Variants in NDST3 observed in about 807,000 individuals in gnomAD.
The protein encoded by NDST3 is bifunctional heparan sulfate N-deacetylase/N-sulfotransferase 3.
Under a neutral mutation model 96.1 loss-of-function variants are expected in NDST3, and 58 were observed. The ratio of observed to expected loss-of-function variants is 0.60; its 90% CI spans 0.49 to 0.75. The LOEUF (loss-of-function observed/expected upper bound fraction) is 0.75, where lower values mean the gene tolerates loss of function less well. NDST3 is among the 30% of genes least tolerant of loss of function. The pLI, the probability that NDST3 is intolerant of heterozygous loss-of-function variation, is 0.00. For synonymous variants in NDST3, 333 were observed against 359.7 expected (o/e 0.93, Z 0.84); for missense variants, 788 against 1,034.2 (o/e 0.76, Z 3.27).
chr4:118,033,756 T>A (rs1724001431), upstream of NDST3: 1 of 152,312 alleles, frequency 6.6e-6, no homozygotes, highest in African/African-American at 2.4e-5. Flanking sequence ...TCCGCGCAGA[T>A]CCCGGGCGCG....
intron 1 of NDST3, among the ~76,000 whole-genome samples, chr4:118,041,184 G>A (rs1724444211): frequency 1.3e-5 from 2 of 152,050 alleles, no homozygotes; most frequent in African/African-American, 4.8e-5. Flanking sequence ...TGGAAGGATC[G>A]TGTTGCAGTT....
At chr4:118,253,432 C>A (rs999067934) in intron 12 of NDST3, 67 bp from the exon 13 acceptor site, 3 of 997,358 alleles carry the variant, frequency 3.0e-6, no homozygotes, top group African/African-American at 3.3e-5. Flanking sequence ...GTATTGGTCA[C>A]CATATCATAT....
At position 118,054,807 on chromosome 4, in the gene NDST3, G is replaced by A; in HGVS notation, c.897G>A (p.Leu299=). 1 of 1,613,180 alleles carries A rather than the reference G, an allele frequency of 6.2e-7. No individual in the cohort carries two copies. Among genetic ancestry groups the A allele is most frequent in the Non-Finnish European group, 8.5e-7 (1 of 1,179,358 alleles). The change falls in exon 2 of 14, where the codon TTG becomes TTA. Residue 299 remains leucine (L), a synonymous_variant. Coordinates refer to ENST00000296499, the MANE Select transcript of NDST3 (RefSeq NM_004784.3). ...ISFLSGKRLT[L]SLDRYILVDI... ...TCTTATCAGGGAAGAGGCTGACATTGTCCTTGGACAGGTACATTCTTGTGG... is the reference window on the plus strand; with the variant it reads ...TCTTATCAGGGAAGAGGCTGACATTATCCTTGGACAGGTACATTCTTGTGG...
chr4:118,089,555 A>G (rs1728703920), intron 2 of NDST3, among the ~76,000 whole-genome samples: 1 of 151,976 alleles, frequency 6.6e-6, no homozygotes, highest in Non-Finnish European at 1.5e-5. Context: ...AGTTATTATT[A>G]GAAGAAATAC....
intron 6 of NDST3, among the ~76,000 whole-genome samples, chr4:118,169,008 A>T (rs1735742873): frequency 6.6e-6 from 1 of 152,192 alleles, no homozygotes; most frequent in South Asian, 2.1e-4. Context: ...ATTATGCAAG[A>T]TGAATACCCT....
intron 6 of NDST3, among the ~76,000 whole-genome samples, chr4:118,170,710 CAG>C (rs1224296193): frequency 2.6e-5 from 4 of 152,048 alleles, no homozygotes; most frequent in African/African-American, 9.7e-5. Context: ...GCCTGGGCGA[CAG>C]AGTGAGACCC....
rs201831936 is a variant in NDST3 at position 118,239,673 on chromosome 4, G to A, written c.2119-851G>A. Among the ~76,000 whole-genome samples, 4 of 152,134 alleles carry A rather than the reference G, an allele frequency of 2.6e-5. No homozygotes were observed. In the East Asian group the frequency reaches 7.7e-4, roughly 29 times the overall value. On this transcript the variant is annotated intron_variant, in intron 10 of 13. Transcript: ENST00000296499. ...CTTTAAGGCTGCAAGCTAACAAAAT[G>A]TCCTAAATATTACAAATAAATCACA...
intron 2 of NDST3, among the ~76,000 whole-genome samples, chr4:118,060,515 G>A (rs1233466676): frequency 6.6e-6 from 1 of 151,968 alleles, no homozygotes; most frequent in Non-Finnish European, 1.5e-5. Context: ...GTCAATATTT[G>A]TCTTTTAATT....
chr4:118,115,586 G>C (rs1731020409), intron 4 of NDST3, among the ~76,000 whole-genome samples: 1 of 152,268 alleles, frequency 6.6e-6, no homozygotes, highest in South Asian at 2.1e-4. Flanking sequence ...TGGAACATTT[G>C]TTTGGCTGAA....
At chr4:118,119,183 A>C (rs931182999) in intron 4 of NDST3, among the ~76,000 whole-genome samples, 1 of 152,154 alleles carries the variant, frequency 6.6e-6, no homozygotes, top group Non-Finnish European at 1.5e-5. Context: ...GTGCAGCAGA[A>C]CCTGTTAATT....
At chr4:118,162,981 C>T (rs1735278484) in intron 6 of NDST3, among the ~76,000 whole-genome samples, 2 of 149,822 alleles carry the variant, frequency 1.3e-5, no homozygotes, top group Non-Finnish European at 3.0e-5. Flanking sequence ...ATTTATGCAG[C>T]CAAAAAACAC....
rs561191295 is a variant in NDST3, at chr4:118,257,754, A to G, written c.*2042A>G. ...AGCAGAAAAAATTGGAAAAATCACCAATTTTTAAGACTCTTGACTCTAAAA... is the reference window on the plus strand; with the variant it reads ...AGCAGAAAAAATTGGAAAAATCACCGATTTTTAAGACTCTTGACTCTAAAA... On this transcript the variant is annotated 3_prime_UTR_variant, in exon 14 of 14. Coordinates refer to ENST00000296499, the MANE Select transcript of NDST3 (RefSeq NM_004784.3). 2.6e-5 allele frequency: 4 copies of G among 152,298 alleles called. No individual in the cohort carries two copies. The East Asian group carries it at 7.7e-4, about 29-fold the overall frequency. 9.4% of individuals were successfully genotyped at this position (152,298 alleles called of 1,614,324 possible).
intron 6 of NDST3, chr4:118,193,299 A>C: frequency 2.7e-6 from 1 of 369,784 alleles, no homozygotes; most frequent in Non-Finnish European, 5.0e-6. Context: ...AGATAGAAAA[A>C]TAAAGGTCTA....
rs1218166617 is a variant in NDST3, at chr4:118,252,219, T to C, written c.2400-1280T>C. ...TTACATTCACTTTTATATCTGAGCA[T>C]ACAAATTAGTGCTTTATTTACAGTG... On this transcript the variant is annotated intron_variant, in intron 12 of 13. Transcript: ENST00000296499. 2.6e-5 allele frequency among the ~76,000 whole-genome samples: 4 copies of C among 152,328 alleles called. No individual in the cohort carries two copies. The East Asian group carries it at 7.7e-4, about 29-fold the overall frequency.
At chr4:118,082,133 C>T (rs1447790098) in intron 2 of NDST3, among the ~76,000 whole-genome samples, 2 of 152,138 alleles carry the variant, frequency 1.3e-5, no homozygotes, top group East Asian at 1.9e-4. Flanking sequence ...CAAAACACAG[C>T]CTTTGGGGGT....
At chr4:118,151,230 AC>A (rs1404933769) in intron 6 of NDST3, among the ~76,000 whole-genome samples, 13 of 152,094 alleles carry the variant, frequency 8.5e-5, no homozygotes. Flanking sequence ...CACTCTGGGG[AC>A]TGTTGTGGGG....
rs139623240 is a variant in NDST3 at position 118,106,753 on chromosome 4, T to G, written c.1069+1648T>G. Among the ~76,000 whole-genome samples the G allele has an allele frequency of 4.5e-3, 684 of 152,178 alleles. 3 individuals carry two copies. In the Middle Eastern group the frequency reaches 0.048, roughly 11 times the overall value. Reference sequence around the variant, plus strand: ...CTGCAGTAAACTATGTTCATGCCACTGCGCTCCAGTCTAAGCAACAGAGCA... The same window carrying G: ...CTGCAGTAAACTATGTTCATGCCACGGCGCTCCAGTCTAAGCAACAGAGCA... On this transcript the variant is annotated intron_variant, in intron 3 of 13. Transcript: ENST00000296499.
intron 4 of NDST3, among the ~76,000 whole-genome samples, chr4:118,137,743 T>C (rs772423499): frequency 1.3e-5 from 2 of 152,170 alleles, no homozygotes; most frequent in Non-Finnish European, 2.9e-5. Context: ...TGTTGACGTA[T>C]GGGCAATAGG....
chr4:118,046,185 G>C (rs930692246), intron 1 of NDST3, among the ~76,000 whole-genome samples: 2 of 152,200 alleles, frequency 1.3e-5, no homozygotes, highest in Admixed American at 1.3e-4. Flanking sequence ...CGGGGGAATA[G>C]GTTCATGATG....
Sources: gnomAD v4.1 joint callset for allele counts (sites outside exome capture counted in the v4.1 genomes callset) on GRCh38, gnomAD v4.1.1 for gene constraint, MANE v1.5 for transcripts, NCBI Gene and HGNC (gene_info 2026-07-23, HGNC 2026-07-21) for gene names.